Variants in BLTP3B observed in about 807,000 individuals in gnomAD.
BLTP3B encodes UHRF1 (ICBP90) binding protein 1-like.
the BLTP3B span, among the ~76,000 whole-genome samples, chr12:100,065,688 GTTGT>G: frequency 1.3e-5 from 2 of 152,130 alleles, no homozygotes; most frequent in Non-Finnish European, 2.9e-5. Flanking sequence ...CCTGTTTTCT[GTTGT>G]TTAAGATGTT....
the BLTP3B span, chr12:100,083,261 A>T: frequency 1.6e-6 from 1 of 628,496 alleles, no homozygotes; most frequent in Admixed American, 2.8e-5. Context: ...ATATTTGTGG[A>T]CATACTTTAT....
chr12:100,063,286 A>G, the BLTP3B span, among the ~76,000 whole-genome samples: 3 of 152,184 alleles, frequency 2.0e-5, no homozygotes, highest in Admixed American at 2.0e-4. Context: ...GGTTCACATC[A>G]CAGAACTCTG....
the BLTP3B span, among the ~76,000 whole-genome samples, chr12:100,065,954 G>A: frequency 8.4e-4 from 128 of 152,166 alleles, no homozygotes; most frequent in African/African-American, 3.0e-3. Context: ...TGGGCATCAC[G>A]GTCCTACCAC....
chr12:100,084,415 CACACACACACAG>C, the BLTP3B span: 2 of 1,197,704 alleles, frequency 1.7e-6, no homozygotes, highest in East Asian at 2.4e-5. Flanking sequence ...CACACACACA[CACACACACACAG>C]AGTGCAAACA....
the BLTP3B span, among the ~76,000 whole-genome samples, chr12:100,135,112 C>G: frequency 5.3e-5 from 8 of 152,236 alleles, no homozygotes; most frequent in South Asian, 8.3e-4. Context: ...CCCTTGTTTT[C>G]TCTTTGATCG....
At chr12:100,137,766 G>C in the BLTP3B span, among the ~76,000 whole-genome samples, 1 of 152,142 alleles carries the variant, frequency 6.6e-6, no homozygotes, top group Non-Finnish European at 1.5e-5. Context: ...CTCACCCCCA[G>C]GATAAAGTTC....
the BLTP3B span, among the ~76,000 whole-genome samples, chr12:100,076,388 CTTT>C: frequency 0.052 from 5,732 of 109,920 alleles, 80 homozygotes; most frequent in South Asian, 0.071. Flanking sequence ...CCTCAGCAAT[CTTT>C]TTTTTTTTTT....
the BLTP3B span, among the ~76,000 whole-genome samples, chr12:100,106,279 T>TA: frequency 4.0e-5 from 6 of 148,174 alleles, no homozygotes; most frequent in South Asian, 2.1e-4. Context: ...ATGACTCTAT[T>TA]AAAAAAAAAA....
At chr12:100,093,012 C>T in the BLTP3B span, 1 of 966,090 alleles carries the variant, frequency 1.0e-6, no homozygotes, top group South Asian at 4.8e-5. Flanking sequence ...CCTCAACTTA[C>T]TTAAAAACTT....
chr12:100,042,449 T>C, the BLTP3B span, among the ~76,000 whole-genome samples: 1 of 152,196 alleles, frequency 6.6e-6, no homozygotes, highest in African/African-American at 2.4e-5. Flanking sequence ...ACAAGTAGAA[T>C]AGAATTGAGA....
chr12:100,097,611 A>G, the BLTP3B span: 4 of 1,270,054 alleles, frequency 3.1e-6, no homozygotes, highest in East Asian at 4.9e-5. Context: ...TAATTTTCAC[A>G]TGACATTTTA....
the BLTP3B span, among the ~76,000 whole-genome samples, chr12:100,061,673 AAAAG>A: frequency 6.6e-6 from 1 of 151,790 alleles, no homozygotes; most frequent in East Asian, 1.9e-4. Flanking sequence ...AAAAAAAAAA[AAAAG>A]AAAGATCTAT....
At chr12:100,058,825 G>C in the BLTP3B span, 1 of 1,613,924 alleles carries the variant, frequency 6.2e-7, no homozygotes, top group Non-Finnish European at 8.5e-7. Context: ...TGATTAATCT[G>C]CATACTGACA....
the BLTP3B span, among the ~76,000 whole-genome samples, chr12:100,102,115 T>A: frequency 2.3e-3 from 346 of 150,920 alleles, 6 homozygotes; most frequent in East Asian, 0.039. Context: ...TAACTCTTTT[T>A]TTTTTTTTTT....
At chr12:100,089,798 T>G in the BLTP3B span, among the ~76,000 whole-genome samples, 8 of 152,192 alleles carry the variant, frequency 5.3e-5, no homozygotes. Flanking sequence ...GGTTTGGCCC[T>G]GTGTCCCCAC....
chr12:100,074,480 T>A, the BLTP3B span, among the ~76,000 whole-genome samples: 1 of 151,716 alleles, frequency 6.6e-6, no homozygotes. Flanking sequence ...ACGCCTGTAA[T>A]CCCAGTTACT....
chr12:100,094,677 C>T, the BLTP3B span, among the ~76,000 whole-genome samples: 5 of 152,138 alleles, frequency 3.3e-5, no homozygotes, highest in African/African-American at 9.7e-5. Flanking sequence ...GCCAACACAG[C>T]GAAACTCCAT....
At chr12:100,048,800 G>T in the BLTP3B span, among the ~76,000 whole-genome samples, 1 of 151,274 alleles carries the variant, frequency 6.6e-6, no homozygotes, top group African/African-American at 2.4e-5. Flanking sequence ...GTGTGTGTGT[G>T]TGTGTGTGTG....
the BLTP3B span, among the ~76,000 whole-genome samples, chr12:100,130,974 AGAGG>A: frequency 1.8e-4 from 18 of 100,554 alleles, no homozygotes; most frequent in Admixed American, 4.2e-4. Flanking sequence ...AGAGAGAGAG[AGAGG>A]GAGGGAGAGA....
Sources: allele counts gnomAD v4.1 joint callset (sites outside exome capture counted in the v4.1 genomes callset), GRCh38; gene constraint gnomAD v4.1.1; transcripts MANE v1.5; gene names NCBI Gene and HGNC (gene_info 2026-07-23, HGNC 2026-07-21).